GOLGA5: variants seen among roughly 807,000 people sequenced by gnomAD.
The protein encoded by GOLGA5 is golgin subfamily A member 5.
Under a neutral mutation model 93.5 loss-of-function variants are expected in GOLGA5, and 50 were observed. The observed-to-expected ratio is 0.53, with a 90% CI of 0.43 to 0.68. The LOEUF (loss-of-function observed/expected upper bound fraction) is 0.68. Among genes scored for constraint, GOLGA5 ranks in the 30% least tolerant of loss-of-function variants. The pLI is 0.00. For missense variants in GOLGA5, 760 were observed against 856.4 expected, an observed-to-expected ratio of 0.89 and a Z score of 1.40; for synonymous variants, 312 against 304.5, an observed-to-expected ratio of 1.02 and a Z score of -0.26.
At chr14:92,828,888 C>CT (rs1459378153) in intron 9 of GOLGA5, among the ~76,000 whole-genome samples, 1 of 152,202 alleles carries the variant, frequency 6.6e-6, no homozygotes, top group East Asian at 1.9e-4. Context: ...AGGTTGGTCT[C>CT]TAACTCCTGG....
Position 92,837,426 on chromosome 14 carries a change from C to A in GOLGA5, c.2092C>A (p.Arg698=). ...GIFLRRYPIA[R]VFVIIYMALL... is the part of the protein sequence containing the mutation. ...TTTTCTCCGAAGATACCCCATAGCG[C>A]GAGTTTTTGTAATTATATATATGGT... is the stretch of plus-strand genomic sequence containing the variant. The change falls in exon 12 of 13, where the codon CGA becomes AGA. Residue 698 remains arginine (R), a synonymous_variant. Coordinates refer to ENST00000163416, the MANE Select transcript of GOLGA5 (RefSeq NM_005113.4). 1 of 1,522,224 alleles carries A rather than the reference C, an allele frequency of 6.6e-7. No homozygotes were observed. Among genetic ancestry groups the A allele is most frequent in the South Asian group, 1.1e-5 (1 of 88,738 alleles). 94.3% of individuals were successfully genotyped at this position (1,522,224 alleles called of 1,614,324 possible).
intron 9 of GOLGA5, among the ~76,000 whole-genome samples, chr14:92,825,771 A>T (rs1460042910): frequency 6.7e-6 from 1 of 148,790 alleles, no homozygotes; most frequent in African/African-American, 2.5e-5. Flanking sequence ...TGGGAGGATC[A>T]CTTGCGCCTG....
intron 10 of GOLGA5, among the ~76,000 whole-genome samples, chr14:92,835,009 G>A (rs1010967066): frequency 6.6e-6 from 1 of 152,168 alleles, no homozygotes; most frequent in Non-Finnish European, 1.5e-5. Flanking sequence ...CAAGAGTTTT[G>A]GCCTGAGCAG....
At chr14:92,798,821 C>T (rs1167687640) in intron 2 of GOLGA5, among the ~76,000 whole-genome samples, 2 of 152,106 alleles carry the variant, frequency 1.3e-5, no homozygotes, top group Non-Finnish European at 2.9e-5. Flanking sequence ...GAGGCTGAGG[C>T]GGGAGAATTG....
intron 2 of GOLGA5, among the ~76,000 whole-genome samples, chr14:92,805,072 A>G (rs1256240268): frequency 6.6e-6 from 1 of 152,198 alleles, no homozygotes; most frequent in Non-Finnish European, 1.5e-5. Context: ...AATCTTAGCT[A>G]TATGACGAAT....
rs766477002 is a variant in GOLGA5 at position 92,809,297 on chromosome 14, T to C, written c.773-3T>C. On this transcript the variant is annotated splice_polypyrimidine_tract_variant and splice_region_variant and intron_variant, in intron 3 of 12. Coordinates refer to ENST00000163416, the MANE Select transcript of GOLGA5 (RefSeq NM_005113.4). The stretch of plus-strand genomic sequence containing the variant: ...GTATAGAGAAATTTAAATTTTTTAA[T>C]AGAATTAAACAAAGCAAGAGCAAGA... The C allele has an allele frequency of 3.1e-5, 50 of 1,593,406 alleles. No homozygotes were observed. The highest frequency in any genetic ancestry group is 4.2e-5 in the Non-Finnish European group (49 of 1,163,142).
At chr14:92,815,449 G>T (rs929963727) in intron 6 of GOLGA5, among the ~76,000 whole-genome samples, 2 of 152,174 alleles carry the variant, frequency 1.3e-5, no homozygotes, top group Non-Finnish European at 2.9e-5. Flanking sequence ...TCTATAGAGA[G>T]AGACATTATC....
At position 92,816,400 on chromosome 14, in the gene GOLGA5, T is replaced by G; in HGVS notation, c.1470T>G (p.His490Gln). The change falls in exon 7 of 13, where the codon CAT becomes CAG. Residue 490 changes from histidine to glutamine, a missense_variant. His to Gln is a conservative substitution (Grantham distance 24). Coordinates refer to ENST00000163416, the MANE Select transcript of GOLGA5 (RefSeq NM_005113.4). ...EEIQKLMGQI[H>Q]QLRSELQDME... ...TACAGAAGCTGATGGGCCAGATACA[T>G]CAGCTCAGATCCGAATTACAGGTAA... 6.2e-7 allele frequency: 1 copy of G among 1,613,922 alleles called. No individual in the cohort carries two copies. Among genetic ancestry groups the G allele is most frequent in the Non-Finnish European group, 8.5e-7 (1 of 1,179,864 alleles).
intron 9 of GOLGA5, among the ~76,000 whole-genome samples, chr14:92,832,136 A>G (rs1368647403): frequency 6.6e-6 from 1 of 152,228 alleles, no homozygotes; most frequent in African/African-American, 2.4e-5. Flanking sequence ...CAAGAAAGCT[A>G]AGATTAACCT....
chr14:92,813,565 T>A (rs1412285443), intron 6 of GOLGA5, among the ~76,000 whole-genome samples: 1 of 152,154 alleles, frequency 6.6e-6, no homozygotes, highest in African/African-American at 2.4e-5. Flanking sequence ...GGACTGCAGC[T>A]AGTTCCATAC....
intron 8 of GOLGA5, among the ~76,000 whole-genome samples, chr14:92,824,061 G>A (rs1415665354): frequency 6.6e-6 from 1 of 151,616 alleles, no homozygotes; most frequent in African/African-American, 2.4e-5. Context: ...TTTATATTCT[G>A]CCACCTTACT....
At chr14:92,802,240 T>C (rs1230871839) in intron 2 of GOLGA5, among the ~76,000 whole-genome samples, 7 of 152,318 alleles carry the variant, frequency 4.6e-5, no homozygotes, top group Non-Finnish European at 8.8e-5. Flanking sequence ...ATATACTTTA[T>C]GTTAGATTTA....
chr14:92,828,669 T>A (rs527312551), intron 9 of GOLGA5, among the ~76,000 whole-genome samples: 50 of 152,276 alleles, frequency 3.3e-4, no homozygotes, highest in East Asian at 9.6e-4. Flanking sequence ...TTAATTAATT[T>A]ATTTATTTTT....
At chr14:92,804,495 T>G (rs146454362) in intron 2 of GOLGA5, among the ~76,000 whole-genome samples, 486 of 152,152 alleles carry the variant, frequency 3.2e-3, no homozygotes, top group Middle Eastern at 0.014. Context: ...CCCTCCCATT[T>G]CCCATCACTT....
rs57383293 is a variant in GOLGA5 at position 92,816,527 on chromosome 14, T to TCTTCGCTTCG, written c.1491+116_1491+125dup. Reference sequence around the variant, plus strand: ...ACTAAAGCGATAGGTTTCTCGCTTCTCTTCGCTTCGCTTCGCTTCTCTTCT... The same window carrying TCTTCGCTTCG: ...ACTAAAGCGATAGGTTTCTCGCTTCTCTTCGCTTCGCTTCGCTTCGCTTCGCTTCTCTTCT... On this transcript the variant is annotated intron_variant, in intron 7 of 12. Coordinates refer to ENST00000163416, the MANE Select transcript of GOLGA5 (RefSeq NM_005113.4). The TCTTCGCTTCG allele has an allele frequency of 3.0e-4, 206 of 691,276 alleles. 2 individuals are homozygous for TCTTCGCTTCG. The highest frequency in any genetic ancestry group is 4.2e-4 in the African/African-American group (23 of 55,368). 42.8% of individuals were successfully genotyped at this position (691,276 alleles called of 1,614,324 possible).
intron 3 of GOLGA5, among the ~76,000 whole-genome samples, chr14:92,807,899 A>G (rs1885023056): frequency 6.6e-6 from 1 of 152,174 alleles, no homozygotes. Flanking sequence ...AGTTTTGCCA[A>G]GCCATGGATA....
At chr14:92,811,422 AT>A (rs1885099252) in intron 5 of GOLGA5, 128 bp from the exon 6 acceptor site, 1 of 662,450 alleles carries the variant, frequency 1.5e-6, no homozygotes, top group South Asian at 1.9e-5. Context: ...CAAATTAAGA[AT>A]TTTTTCCCAT....
At chr14:92,821,564 C>G (rs902423287) in intron 8 of GOLGA5, among the ~76,000 whole-genome samples, 1 of 152,126 alleles carries the variant, frequency 6.6e-6, no homozygotes, top group Non-Finnish European at 1.5e-5. Context: ...CTACTATTCT[C>G]TTTATTTTAC....
rs776362976 is a variant in GOLGA5, at chr14:92,824,553, A to G, written c.1628A>G (p.His543Arg). 7 of 1,568,476 alleles carry G rather than the reference A, an allele frequency of 4.5e-6. No homozygotes were observed. Among genetic ancestry groups the G allele is most frequent in the African/African-American group, 1.4e-5 (1 of 73,764 alleles). Residue 543 changes from histidine to arginine, a missense_variant, in exon 9 of 13, where the codon CAC (histidine) becomes CGC (arginine). By Grantham distance (29) the His-to-Arg change is conservative. Transcript: ENST00000163416. Reference protein sequence around the residue: ...TELERLKQEFHYIEEDLYRTK... With the variant: ...TELERLKQEFRYIEEDLYRTK... Reference sequence around the variant, plus strand: ...TTGTGCCTCACTTTGCAGGAGTTCCACTATATAGAAGAAGATCTTTATCGA... The same window carrying G: ...TTGTGCCTCACTTTGCAGGAGTTCCGCTATATAGAAGAAGATCTTTATCGA...
Sources: allele counts gnomAD v4.1 joint callset (sites outside exome capture counted in the v4.1 genomes callset), GRCh38; gene constraint gnomAD v4.1.1; transcripts MANE v1.5; gene names NCBI Gene and HGNC (gene_info 2026-07-23, HGNC 2026-07-21).